Variants in ANO2 observed in about 807,000 individuals in gnomAD.
ANO2 encodes anoctamin-2.
A neutral mutation model predicts 124.2 loss-of-function variants in ANO2; 101 were observed. The observed-to-expected ratio is 0.81, with a 90% CI of 0.69 to 0.96. The LOEUF is 0.96. ANO2 is among the 40% of genes least tolerant of loss of function. The pLI, the probability that ANO2 is intolerant of heterozygous loss-of-function variation, is 0.00. For missense variants in ANO2, 1,293 were observed against 1,274.5 expected, an observed-to-expected ratio of 1.01 and a Z score of -0.22; for synonymous variants, 486 against 482.5, an observed-to-expected ratio of 1.01 and a Z score of -0.09.
intron 23 of ANO2, among the ~76,000 whole-genome samples, chr12:5,568,317 AT>A (rs1941902017): frequency 6.6e-6 from 1 of 151,646 alleles, no homozygotes; most frequent in Non-Finnish European, 1.5e-5. Flanking sequence ...AATTTTTTGT[AT>A]TTTTAGTAGA....
At chr12:5,606,023 A>G (rs1162914829) in intron 19 of ANO2, among the ~76,000 whole-genome samples, 2 of 152,204 alleles carry the variant, frequency 1.3e-5, no homozygotes, top group East Asian at 3.8e-4. Context: ...TTATCATGGC[A>G]TTAGTCACAG....
chr12:5,777,253 A>G (rs60512295), intron 10 of ANO2, among the ~76,000 whole-genome samples: 9,617 of 152,228 alleles, frequency 0.063, 980 homozygotes, highest in African/African-American at 0.21. Flanking sequence ...ACAAGAAGAA[A>G]TGATATTTAG....
intron 20 of ANO2, among the ~76,000 whole-genome samples, chr12:5,587,936 C>T (rs1398758291): frequency 6.6e-6 from 1 of 152,220 alleles, no homozygotes; most frequent in African/African-American, 2.4e-5. Flanking sequence ...TATAATACAT[C>T]TCCCCCTGCT....
chr12:5,899,389 G>T (rs1940021042), intron 3 of ANO2, among the ~76,000 whole-genome samples: 2 of 152,166 alleles, frequency 1.3e-5, no homozygotes, highest in Non-Finnish European at 2.9e-5. Flanking sequence ...TGGATTCTGA[G>T]ATGCTCACTC....
intron 14 of ANO2, among the ~76,000 whole-genome samples, chr12:5,680,773 G>A (rs1376153323): frequency 6.6e-6 from 1 of 152,190 alleles, no homozygotes; most frequent in African/African-American, 2.4e-5. Flanking sequence ...AATGATGAAA[G>A]AAACGATCCC....
intron 9 of ANO2, 96 bp downstream of exon 9, chr12:5,805,956 A>C: frequency 8.3e-7 from 1 of 1,202,708 alleles, no homozygotes; most frequent in Non-Finnish European, 1.2e-6. Flanking sequence ...GTAGATAAGC[A>C]GGTAAAGAGA....
chr12:5,812,495 A>AG (rs1424170833), intron 7 of ANO2, among the ~76,000 whole-genome samples: 21 of 99,768 alleles, frequency 2.1e-4, no homozygotes, highest in African/African-American at 3.2e-4. Context: ...GAAGGAAGGA[A>AG]GAAAGGGAGG....
At chr12:5,695,885 G>T (rs1055297439) in intron 14 of ANO2, among the ~76,000 whole-genome samples, 1 of 151,992 alleles carries the variant, frequency 6.6e-6, no homozygotes, top group Non-Finnish European at 1.5e-5. Flanking sequence ...ATAGAATAAA[G>T]AATTCATAAT....
intron 1 of ANO2, among the ~76,000 whole-genome samples, chr12:5,932,294 G>A: frequency 1.3e-5 from 2 of 150,894 alleles, no homozygotes; most frequent in African/African-American, 4.9e-5. Context: ...TGACTAATAA[G>A]GAAAGAAGGC....
intron 16 of ANO2, among the ~76,000 whole-genome samples, chr12:5,634,812 A>G (rs1858289897): frequency 6.6e-6 from 1 of 152,236 alleles, no homozygotes. Flanking sequence ...TGTAATTTTT[A>G]ACAGGAAGTC....
intron 1 of ANO2, among the ~76,000 whole-genome samples, chr12:5,923,151 TACAC>T (rs1191958218): frequency 2.2e-5 from 1 of 45,146 alleles, no homozygotes; most frequent in Non-Finnish European, 4.0e-5. Flanking sequence ...CATGCACACA[TACAC>T]ACACGCATAC....
intron 3 of ANO2, among the ~76,000 whole-genome samples, chr12:5,873,919 C>A (rs895514210): frequency 4.6e-5 from 7 of 152,334 alleles, no homozygotes; most frequent in Admixed American, 1.3e-4. Flanking sequence ...GGGACACCAG[C>A]CAGAGCTGAT....
intron 14 of ANO2, among the ~76,000 whole-genome samples, chr12:5,682,974 T>C (rs1422054589): frequency 6.6e-6 from 1 of 152,154 alleles, no homozygotes; most frequent in Non-Finnish European, 1.5e-5. Context: ...GTGGTGACCA[T>C]GAGTACTGGG....
At chr12:5,843,444 G>C (rs887084361) in intron 4 of ANO2, among the ~76,000 whole-genome samples, 1 of 152,050 alleles carries the variant, frequency 6.6e-6, no homozygotes, top group African/African-American at 2.4e-5. Flanking sequence ...CAGCTACTTG[G>C]GAGGCTGCGG....
intron 7 of ANO2, among the ~76,000 whole-genome samples, chr12:5,812,228 G>GGGGGAA (rs1407753835): frequency 2.8e-5 from 4 of 143,776 alleles, no homozygotes; most frequent in Non-Finnish European, 6.1e-5. Flanking sequence ...GGGAAGGGAA[G>GGGGGAA]GGGGAAGGGG....
chr12:5,895,437 C>T (rs1939714115), intron 3 of ANO2, among the ~76,000 whole-genome samples: 1 of 152,014 alleles, frequency 6.6e-6, no homozygotes, highest in African/African-American at 2.4e-5. Flanking sequence ...CATTTGCAAA[C>T]AGAGACATAC....
chr12:5,800,689 G>A (rs998565933), intron 9 of ANO2, among the ~76,000 whole-genome samples: 1 of 152,208 alleles, frequency 6.6e-6, no homozygotes, highest in Non-Finnish European at 1.5e-5. Flanking sequence ...TGAAATGTGG[G>A]AAGGACAGGT....
intron 7 of ANO2, among the ~76,000 whole-genome samples, chr12:5,814,761 C>T (rs1489211182): frequency 6.6e-6 from 1 of 152,228 alleles, no homozygotes; most frequent in Non-Finnish European, 1.5e-5. Flanking sequence ...CTGGGAAGGG[C>T]TCAGCTTCCA....
At chr12:5,880,436 A>G (rs1938405613) in intron 3 of ANO2, among the ~76,000 whole-genome samples, 1 of 152,102 alleles carries the variant, frequency 6.6e-6, no homozygotes. Context: ...GAAAAAGGAG[A>G]GAAAAACATC....
Sources: gnomAD v4.1 joint callset for allele counts (sites outside exome capture counted in the v4.1 genomes callset) on GRCh38, gnomAD v4.1.1 for gene constraint, MANE v1.5 for transcripts, NCBI Gene and HGNC (gene_info 2026-07-23, HGNC 2026-07-21) for gene names.